The following ABCC9 variants were observed in gnomAD, a reference collection of about 807,000 sequenced individuals.
The protein encoded by ABCC9 is ATP-binding cassette sub-family C member 9.
In ABCC9, 95 loss-of-function variants were observed where a neutral mutation model predicts 188.3. The observed-to-expected ratio is 0.50, with a 90% CI of 0.43 to 0.60. The LOEUF (loss-of-function observed/expected upper bound fraction) is 0.60, where lower values mean the gene tolerates loss of function less well. ABCC9 is among the 20% of genes least tolerant of loss of function. ABCC9 has a pLI of 0.00. For missense variants in ABCC9, 1,102 were observed against 1,876.3 expected (o/e 0.59, Z 7.62); for synonymous variants, 659 against 652.7 (o/e 1.01, Z -0.15).
chr12:21,809,000 CAT>C (rs1942050530), intron 37 of ABCC9, among the ~76,000 whole-genome samples: 3 of 151,962 alleles, frequency 2.0e-5, no homozygotes, highest in Admixed American at 2.0e-4. Flanking sequence ...AACAGATAAA[CAT>C]AATTTTATTT....
rs978907618 is a variant in ABCC9, at chr12:21,860,855, G to A, written c.2424+116C>T. 1.0e-4 allele frequency: 86 copies of A among 819,790 alleles called. 1 individual carries two copies. In the South Asian group the frequency reaches 1.2e-3, roughly 12 times the overall value. The allele number at this position is 819,790 out of a possible 1,614,324, so 50.8% of individuals were successfully genotyped here. On this transcript the variant is annotated intron_variant, in intron 21 of 39. Transcript: ENST00000261200. ...TTGGTTTTCTGGAACTTCTTACTGGGACAACATACAACTCCTAAGCTCTCA... is the reference window on the plus strand; with the variant it reads ...TTGGTTTTCTGGAACTTCTTACTGGAACAACATACAACTCCTAAGCTCTCA...
chr12:21,864,854 A>G (rs918441494), intron 18 of ABCC9, among the ~76,000 whole-genome samples: 2 of 152,146 alleles, frequency 1.3e-5, no homozygotes, highest in Non-Finnish European at 2.9e-5. Flanking sequence ...CCAACCTTTA[A>G]AATTTGAATT....
intron 12 of ABCC9, among the ~76,000 whole-genome samples, chr12:21,896,715 T>G (rs1424142134): frequency 6.6e-6 from 1 of 152,178 alleles, no homozygotes; most frequent in African/African-American, 2.4e-5. Flanking sequence ...GGATAATGGC[T>G]TCCAGCTCCA....
rs114473876 is a variant in ABCC9 at position 21,911,828 on chromosome 12, G to A, written c.1012-850C>T. On this transcript the variant is annotated intron_variant, in intron 8 of 39. Coordinates refer to ENST00000261200, the MANE Select transcript of ABCC9 (RefSeq NM_020297.4). ...TAAACTCTGTGGAATTTAGATATCC[G>A]TATGTAATTAGGCTAGTAGGGACAA... Among the ~76,000 whole-genome samples, 650 of 152,034 alleles carry A rather than the reference G, an allele frequency of 4.3e-3. 4 individuals are homozygous for A. Among genetic ancestry groups the A allele is most frequent in the African/African-American group, 0.015 (618 of 41,514 alleles).
At chr12:21,817,104 C>A in intron 33 of ABCC9, 83 bp downstream of exon 33, 3 of 1,491,998 alleles carry the variant, frequency 2.0e-6, no homozygotes, top group South Asian at 1.1e-5. Context: ...AAAGCAAAAG[C>A]AGAAACAACA....
rs1474152906 is a variant in ABCC9 at position 21,875,691 on chromosome 12, T to A, written c.2055A>T (p.Leu685Phe). 1 of 1,612,918 alleles carries A rather than the reference T, an allele frequency of 6.2e-7. No homozygotes were observed. The highest frequency in any genetic ancestry group is 1.7e-5 in the Admixed American group (1 of 60,014). ...TNGYFSWGSGLATLSNIDIRI... is the reference protein window; with the variant it reads ...TNGYFSWGSGFATLSNIDIRI... ...GAATATCTATATTGGATAATGTAGC[T>A]AAACCACTGCCCCATGAAAAGTATC... Residue 685 changes from leucine (L) to phenylalanine (F), a missense_variant, in exon 17 of 40, where the codon TTA becomes TTT. This residue lies in a region of ABCC9 where 258 missense variants were observed against 325.6 expected (regional missense o/e 0.79). Coordinates refer to ENST00000261200, the MANE Select transcript of ABCC9 (RefSeq NM_020297.4).
At chr12:21,841,934 A>C (rs1343712182) in intron 29 of ABCC9, among the ~76,000 whole-genome samples, 3 of 152,226 alleles carry the variant, frequency 2.0e-5, no homozygotes, top group African/African-American at 7.2e-5. Context: ...GCAAATGTAG[A>C]TCACAGTAAA....
intron 31 of ABCC9, among the ~76,000 whole-genome samples, chr12:21,826,943 T>C (rs1245813800): frequency 6.6e-6 from 1 of 152,198 alleles, no homozygotes. Context: ...AGGATTCTAA[T>C]ACACAGAAAG....
intron 7 of ABCC9, among the ~76,000 whole-genome samples, chr12:21,915,223 ATATGTGTGTG>A (rs1377008975): frequency 8.5e-6 from 1 of 117,154 alleles, no homozygotes; most frequent in African/African-American, 3.5e-5. Context: ...CTTTATATAT[ATATGTGTGTG>A]TGTGTGTGTG....
chr12:21,885,278 T>C (rs1022444080), intron 15 of ABCC9, among the ~76,000 whole-genome samples: 3 of 152,186 alleles, frequency 2.0e-5, no homozygotes, highest in African/African-American at 7.2e-5. Flanking sequence ...AGTTTGTCAT[T>C]TGTGGTTTGG....
At chr12:21,881,775 G>C (rs1565442533) in intron 16 of ABCC9, among the ~76,000 whole-genome samples, 1 of 151,738 alleles carries the variant, frequency 6.6e-6, no homozygotes, top group Non-Finnish European at 1.5e-5. Context: ...CATAGCCAAA[G>C]TCAAGAATCA....
At chr12:21,912,529 A>ATGTGAAGTGACTCAGCCACCCG (rs1565477273) in intron 8 of ABCC9, among the ~76,000 whole-genome samples, 1 of 151,896 alleles carries the variant, frequency 6.6e-6, no homozygotes, top group Non-Finnish European at 1.5e-5. Context: ...TCAGCCACCC[A>ATGTGAAGTGACTCAGCCACCCG]TCATGTATAA....
At chr12:21,876,990 C>G (rs1946386051) in intron 16 of ABCC9, among the ~76,000 whole-genome samples, 1 of 152,146 alleles carries the variant, frequency 6.6e-6, no homozygotes, top group Non-Finnish European at 1.5e-5. Flanking sequence ...TTAGTAATAT[C>G]CATCACACAG....
chr12:21,860,218 A>G (rs1454917376), intron 21 of ABCC9, among the ~76,000 whole-genome samples: 1 of 152,164 alleles, frequency 6.6e-6, no homozygotes, highest in African/African-American at 2.4e-5. Flanking sequence ...AATTTTACAC[A>G]TGTGGAAACT....
In ABCC9 at chr12:21,806,551, A is replaced by G. The variant is rs560082762; in HGVS notation, c.4450-491T>C. Reference sequence around the variant, plus strand: ...TTATATTTTAAAGGCTGTTCTGGGTACAGATTCCATCTCTGTCCTAGAGGA... The same window carrying G: ...TTATATTTTAAAGGCTGTTCTGGGTGCAGATTCCATCTCTGTCCTAGAGGA... On this transcript the variant is annotated intron_variant, in intron 38 of 39. Coordinates refer to ENST00000261200, the MANE Select transcript of ABCC9 (RefSeq NM_020297.4). Among the ~76,000 whole-genome samples, 8 of 152,326 alleles carry G rather than the reference A, an allele frequency of 5.3e-5. No individual in the cohort carries two copies. The South Asian group carries it at 1.4e-3, about 28-fold the overall frequency.
intron 31 of ABCC9, chr12:21,827,248 C>G: frequency 1.0e-6 from 1 of 985,308 alleles, no homozygotes; most frequent in Non-Finnish European, 1.2e-6. Context: ...GCTATGAGAA[C>G]AGAGCATATG....
chr12:21,857,068 G>A (rs1179709454), intron 22 of ABCC9, among the ~76,000 whole-genome samples: 2 of 152,090 alleles, frequency 1.3e-5, no homozygotes, highest in Non-Finnish European at 2.9e-5. Flanking sequence ...TATTTTTGAG[G>A]AATTTTTAAA....
chr12:21,858,489 G>T (rs955810057), intron 22 of ABCC9, among the ~76,000 whole-genome samples: 4 of 151,588 alleles, frequency 2.6e-5, no homozygotes, highest in African/African-American at 9.7e-5. Flanking sequence ...TGAGGTGGGA[G>T]AATTACTTGA....
At chr12:21,805,033 G>C in intron 39 of ABCC9, 1 of 1,270,774 alleles carries the variant, frequency 7.9e-7, no homozygotes, top group South Asian at 1.2e-5. Context: ...TGGTTGAGCT[G>C]ATTTTGTAAT....
Sources: gnomAD v4.1 joint callset for allele counts (sites outside exome capture counted in the v4.1 genomes callset) on GRCh38, gnomAD v4.1.1 for gene constraint, gnomAD v4.1.1 regional missense constraint, MANE v1.5 for transcripts, NCBI Gene and HGNC (gene_info 2026-07-23, HGNC 2026-07-21) for gene names.